EXOC5: variants seen among roughly 807,000 people sequenced by gnomAD.
The protein encoded by EXOC5 is exocyst complex component 5, also known as SEC10-like 1.
EXOC5 carries 17 observed loss-of-function variants against 90.8 expected under a neutral mutation model. The observed-to-expected ratio is 0.19, with a 90% CI of 0.13 to 0.28. The LOEUF (loss-of-function observed/expected upper bound fraction) is 0.28. EXOC5 is among the 10% of genes least tolerant of loss of function. The pLI, the probability that EXOC5 is intolerant of heterozygous loss-of-function variation, is 1.00. For missense variants in EXOC5, 569 were observed against 830.6 expected, an observed-to-expected ratio of 0.69 and a Z score of 3.87; for synonymous variants, 260 against 270.0, an observed-to-expected ratio of 0.96 and a Z score of 0.36.
intron 6 of EXOC5, 73 bp from the exon 7 acceptor site, chr14:57,235,893 T>C (rs1480813564): frequency 1.3e-6 from 1 of 746,448 alleles, no homozygotes; most frequent in Non-Finnish European, 2.4e-6. Context: ...CTACATTATT[T>C]ACAAATATAA....
chr14:57,267,770 T>TA (rs746187183), intron 1 of EXOC5, among the ~76,000 whole-genome samples: 6 of 152,348 alleles, frequency 3.9e-5, no homozygotes, highest in East Asian at 1.9e-4. Flanking sequence ...AAGGTTTAGA[T>TA]ACTGTAAACG....
intron 14 of EXOC5, among the ~76,000 whole-genome samples, chr14:57,218,827 T>A (rs940831432): frequency 5.3e-5 from 8 of 152,072 alleles, no homozygotes; most frequent in African/African-American, 1.9e-4. Flanking sequence ...ATATACACCA[T>A]CTTATTTAAT....
At chr14:57,231,300 C>T (rs1048098423) in intron 11 of EXOC5, among the ~76,000 whole-genome samples, 4 of 152,192 alleles carry the variant, frequency 2.6e-5, no homozygotes, top group African/African-American at 9.6e-5. Context: ...TGAGTTACCA[C>T]GCCCGGCTTA....
At chr14:57,234,148 G>C in intron 7 of EXOC5, 116 bp from the exon 8 acceptor site, 1 of 694,922 alleles carries the variant, frequency 1.4e-6, no homozygotes, top group East Asian at 2.9e-5. Flanking sequence ...ATGGCCAATA[G>C]CAACACCTGT....
rs768479205 is a variant in EXOC5, at chr14:57,219,332, G to C, written c.1516C>G (p.Pro506Ala). The change falls in exon 14 of 18, where the codon CCA (proline) becomes GCA (alanine). Residue 506 changes from proline to alanine, a missense_variant. Around this residue, in one of 9 missense-constraint regions of EXOC5, gnomAD observed 34 missense variants for 101.1 expected, o/e 0.34. Transcript: ENST00000621441. ...FDKQFNDHLM[P>A]LISSSPKLSE... ...GATAATTTGACTAACCTTATTAGTG[G>C]CATAAGGTGATCATTAAACTGTTTG... is the stretch of plus-strand genomic sequence containing the variant. 1 of 1,509,486 alleles carries C rather than the reference G, an allele frequency of 6.6e-7. No homozygotes were observed. Among genetic ancestry groups the C allele is most frequent in the African/African-American group, 1.4e-5 (1 of 71,850 alleles). The allele number at this position is 1,509,486 out of a possible 1,614,324, so 93.5% of individuals were successfully genotyped here.
rs1259539920 is a variant in EXOC5, at chr14:57,201,666, C to CT, written c.*6942dup. The CT allele has an allele frequency of 1.3e-5, 2 of 150,320 alleles. No individual in the cohort carries two copies. The highest frequency in any genetic ancestry group is 3.9e-4 in the East Asian group (2 of 5,064). The allele number at this position is 150,320 out of a possible 1,614,324, so 9.3% of individuals were successfully genotyped here. The stretch of plus-strand genomic sequence containing the variant: ...TTGGGAGGTTGAGGTGGGCAGATCA[C>CT]TTAAGGCTAGGAGTTTGACACCAGC... On this transcript the variant is annotated 3_prime_UTR_variant, in exon 18 of 18. Transcript: ENST00000621441.
At chr14:57,215,727 CA>C (rs1049845683) in intron 15 of EXOC5, among the ~76,000 whole-genome samples, 3 of 152,096 alleles carry the variant, frequency 2.0e-5, no homozygotes, top group African/African-American at 7.2e-5. Context: ...GTGAAAAGCT[CA>C]AAGTGAAAAG....
intron 1 of EXOC5, 100 bp downstream of exon 1, chr14:57,268,522 C>T (rs1254511669): frequency 6.5e-7 from 1 of 1,537,362 alleles, no homozygotes; most frequent in Non-Finnish European, 8.7e-7. Flanking sequence ...CTCCCGAGGG[C>T]TCCTCCTGGG....
intron 7 of EXOC5, 60 bp downstream of exon 7, chr14:57,235,651 T>C (rs201483027): frequency 1.2e-6 from 1 of 844,332 alleles, no homozygotes; most frequent in South Asian, 1.4e-5. Context: ...CTATAATATA[T>C]AGAACTTACG....
intron 5 of EXOC5, among the ~76,000 whole-genome samples, chr14:57,238,159 G>T (rs949670705): frequency 6.6e-6 from 1 of 150,376 alleles, no homozygotes; most frequent in Non-Finnish European, 1.5e-5. Context: ...CACATATAAG[G>T]CCATATTAAT....
chr14:57,231,646 C>T lies in EXOC5; in HGVS notation c.1008G>A (p.Lys336=). The change falls in exon 11 of 18, where the codon AAG becomes AAA. Residue 336 remains lysine, a synonymous_variant. Coordinates refer to ENST00000621441, the MANE Select transcript of EXOC5 (RefSeq NM_006544.4). The part of the protein sequence containing the change: ...LGTDKQTFLS[K]LIKSIFISYL... ...AGGAAATGAAAATGGATTTGATAAG[C>T]TTAGACAAGAAAGTCTGTTTATCAG... The T allele has an allele frequency of 6.2e-7, 1 of 1,613,306 alleles. No homozygotes were observed. Among genetic ancestry groups the T allele is most frequent in the Admixed American group, 1.7e-5 (1 of 59,988 alleles).
chr14:57,240,932 A>G (rs906065122), intron 4 of EXOC5, among the ~76,000 whole-genome samples: 1 of 151,844 alleles, frequency 6.6e-6, no homozygotes, highest in East Asian at 1.9e-4. Context: ...GGCTCACTAC[A>G]ATCTCCACCT....
Position 57,268,841 on chromosome 14 carries a change from AG to A in EXOC5, c.-194del. 1 of 1,332,414 alleles carries A rather than the reference AG, an allele frequency of 7.5e-7. No homozygotes were observed. The allele number at this position is 1,332,414 out of a possible 1,614,324, so 82.5% of individuals were successfully genotyped here. A position where few individuals can be genotyped will look rare whatever the true frequency, so the allele number is the denominator to read the frequency against. On this transcript the variant is annotated 5_prime_UTR_variant, in exon 1 of 18. An upstream open reading frame in the 5' UTR loses its in-frame stop. Transcript: ENST00000621441. ...TGAAGCGAAGCCGCAAACGCTTGTC[AG>A]CTGCCTCCCGGCGCCGCCCGCGCTG...
At chr14:57,228,004 A>C (rs1476784205) in intron 12 of EXOC5, among the ~76,000 whole-genome samples, 1 of 147,240 alleles carries the variant, frequency 6.8e-6, no homozygotes, top group Non-Finnish European at 1.5e-5. Context: ...AACAAGATAT[A>C]TATACATACA....
intron 4 of EXOC5, among the ~76,000 whole-genome samples, chr14:57,240,216 T>TC (rs1309355449): frequency 3.3e-5 from 5 of 151,286 alleles, no homozygotes; most frequent in Non-Finnish European, 7.4e-5. Context: ...TTCTGTCTTT[T>TC]TTTTTTTTTT....
At chr14:57,264,025 C>T (rs947373440) in intron 1 of EXOC5, among the ~76,000 whole-genome samples, 5 of 152,140 alleles carry the variant, frequency 3.3e-5, no homozygotes, top group Non-Finnish European at 4.4e-5. Flanking sequence ...TCTATACTCC[C>T]ACTGCGCTGT....
rs573402190 is a variant in EXOC5, at chr14:57,222,745, A to G, written c.1297-329T>C. Among the ~76,000 whole-genome samples the G allele has an allele frequency of 4.1e-3, 595 of 146,522 alleles. 8 individuals carry two copies. Among genetic ancestry groups the G allele is most frequent in the African/African-American group, 0.015 (559 of 36,778 alleles). Reference sequence around the variant, plus strand: ...ATATATTATATACACACACATATATATATACACACACACACACATATATAT... The same window carrying G: ...ATATATTATATACACACACATATATGTATACACACACACACACATATATAT... On this transcript the variant is annotated intron_variant, in intron 12 of 17. Transcript: ENST00000621441.
At chr14:57,231,479 A>G in intron 11 of EXOC5, 27 bp downstream of exon 11, 1 of 1,501,424 alleles carries the variant, frequency 6.7e-7, no homozygotes. Flanking sequence ...TTCAGTTTTA[A>G]CAGAAGTATT....
chr14:57,236,691 C>T (rs539302453), intron 6 of EXOC5, among the ~76,000 whole-genome samples: 157 of 152,266 alleles, frequency 1.0e-3, no homozygotes, highest in Non-Finnish European at 1.9e-3. Context: ...CTAGCTGTGT[C>T]ATCCTTATTC....
Sources: gnomAD v4.1 joint callset for allele counts (sites outside exome capture counted in the v4.1 genomes callset) on GRCh38, gnomAD v4.1.1 for gene constraint, gnomAD v4.1.1 regional missense constraint, MANE v1.5 for transcripts, NCBI Gene and HGNC (gene_info 2026-07-23, HGNC 2026-07-21) for gene names.